CDC20B: variants seen among roughly 807,000 people sequenced by gnomAD.
CDC20B encodes cell division cycle 20B.
In CDC20B, 58 loss-of-function variants were observed where a neutral mutation model predicts 64.1. The observed-to-expected ratio is 0.90, with a 90% CI of 0.73 to 1.13. The LOEUF (loss-of-function observed/expected upper bound fraction) is 1.13, where lower values mean the gene tolerates loss of function less well. Among genes scored for constraint, CDC20B ranks in the 50% most tolerant of loss-of-function variants. The pLI, the probability that CDC20B is intolerant of heterozygous loss-of-function variation, is 0.00. For missense variants in CDC20B, 597 were observed against 633.0 expected (o/e 0.94, Z 0.61); for synonymous variants, 243 against 230.6 (o/e 1.05, Z -0.49).
chr5:55,163,771 G>C (rs1483318358), intron 2 of CDC20B, among the ~76,000 whole-genome samples: 3 of 150,624 alleles, frequency 2.0e-5, no homozygotes, highest in Non-Finnish European at 2.9e-5. Context: ...GCCTCCCAAA[G>C]TGCTGGGATT....
intron 4 of CDC20B, among the ~76,000 whole-genome samples, chr5:55,142,220 T>C (rs1242479134): frequency 3.9e-5 from 6 of 152,164 alleles, no homozygotes; most frequent in Non-Finnish European, 7.3e-5. Context: ...GCCCTCGTTG[T>C]GGAAACACCC....
At chr5:55,162,286 T>C (rs1744117491) in intron 2 of CDC20B, among the ~76,000 whole-genome samples, 1 of 151,994 alleles carries the variant, frequency 6.6e-6, no homozygotes, top group Non-Finnish European at 1.5e-5. Flanking sequence ...ATCCCAGCTA[T>C]TCAGGAGGCT....
rs746220389 is a variant in CDC20B at position 55,146,623 on chromosome 5, C to G, written c.355+5G>C. The G allele has an allele frequency of 1.4e-5, 23 of 1,610,310 alleles. No individual in the cohort carries two copies. Among genetic ancestry groups the G allele is most frequent in the Non-Finnish European group, 2.0e-5 (23 of 1,177,054 alleles). The stretch of plus-strand genomic sequence containing the variant: ...AACGGGGCTGTGGCGTTTGGGGCAC[C>G]TCACCTAGAGTCAAGGTCTCTTTCT... On this transcript the variant is annotated splice_donor_5th_base_variant and intron_variant, in intron 3 of 11. Transcript: ENST00000381375.
At position 55,133,411 on chromosome 5, in the gene CDC20B, C is replaced by T; in HGVS notation, c.697+1G>A. On this transcript the variant is annotated splice_donor_variant, in intron 6 of 11. Transcript: ENST00000381375. LOFTEE classifies it high-confidence loss of function. ...AATTCCCAATCTAAATGATAACTTA[C>T]AGTAGTCATTTCGAAGACCAGTAAT... The T allele has an allele frequency of 7.0e-7, 1 of 1,438,174 alleles. No homozygotes were observed. The highest frequency in any genetic ancestry group is 9.6e-7 in the Non-Finnish European group (1 of 1,036,800). 89.1% of individuals were successfully genotyped at this position (1,438,174 alleles called of 1,614,324 possible).
chr5:55,127,495 A>G, intron 7 of CDC20B, 144 bp from the exon 8 acceptor site: 1 of 658,156 alleles, frequency 1.5e-6, no homozygotes, highest in South Asian at 1.8e-5. Context: ...GCAGTTCTCA[A>G]TTCTGACTGT....
chr5:55,149,491 G>A (rs186789651), intron 2 of CDC20B, among the ~76,000 whole-genome samples: 3 of 152,258 alleles, frequency 2.0e-5, no homozygotes, highest in East Asian at 1.9e-4. Flanking sequence ...ATCATGGGAC[G>A]TATCTACATA....
chr5:55,155,252 G>T (rs532815413), intron 2 of CDC20B, among the ~76,000 whole-genome samples: 1 of 152,290 alleles, frequency 6.6e-6, no homozygotes, highest in South Asian at 2.1e-4. Context: ...ACCCAGAGGG[G>T]TTAAAAATAA....
intron 2 of CDC20B, among the ~76,000 whole-genome samples, chr5:55,152,590 C>T (rs1265433882): frequency 6.6e-6 from 1 of 152,182 alleles, no homozygotes; most frequent in African/African-American, 2.4e-5. Flanking sequence ...AGATCATTGT[C>T]TCTATGAATG....
At chr5:55,118,410 C>T (rs1212852759) in intron 11 of CDC20B, among the ~76,000 whole-genome samples, 12 of 152,064 alleles carry the variant, frequency 7.9e-5, no homozygotes, top group South Asian at 2.1e-4. Flanking sequence ...TGAAAAAACT[C>T]GCAAGGAGTT....
At chr5:55,160,637 G>T in intron 2 of CDC20B, 1 of 503,616 alleles carries the variant, frequency 2.0e-6, no homozygotes, top group Non-Finnish European at 3.5e-6. Flanking sequence ...ATGTAAAGTT[G>T]TTTGGAAAAT....
At chr5:55,134,593 C>T (rs764016237) in intron 5 of CDC20B, among the ~76,000 whole-genome samples, 3 of 152,110 alleles carry the variant, frequency 2.0e-5, no homozygotes, top group Non-Finnish European at 4.4e-5. Context: ...GAAACCCTGT[C>T]ACTACAAAAA....
intron 2 of CDC20B, chr5:55,160,561 CT>C: frequency 1.7e-6 from 1 of 573,478 alleles, no homozygotes; most frequent in Non-Finnish European, 3.0e-6. Flanking sequence ...TGATAGTTTG[CT>C]TCTAAATAAT....
chr5:55,160,146 C>G, intron 2 of CDC20B: 1 of 1,437,542 alleles, frequency 7.0e-7, no homozygotes, highest in Non-Finnish European at 9.8e-7. Flanking sequence ...GTTTCAGCTC[C>G]TCCTTGAATT....
chr5:55,130,482 A>G (rs956189470), intron 6 of CDC20B, among the ~76,000 whole-genome samples: 3 of 152,226 alleles, frequency 2.0e-5, no homozygotes, highest in African/African-American at 2.4e-5. Context: ...CATGGAGGCC[A>G]CAGTCAATGG....
intron 2 of CDC20B, among the ~76,000 whole-genome samples, chr5:55,157,620 C>T (rs1402200818): frequency 6.6e-6 from 1 of 152,186 alleles, no homozygotes; most frequent in African/African-American, 2.4e-5. Context: ...ATCAGGCCTG[C>T]ATAATGTTTT....
intron 11 of CDC20B, among the ~76,000 whole-genome samples, chr5:55,119,495 T>C (rs1055466761): frequency 2.6e-5 from 4 of 152,210 alleles, no homozygotes; most frequent in African/African-American, 9.7e-5. Context: ...CCGCTGGTTT[T>C]TCTTCAAAAT....
rs746754909 is a variant in CDC20B, at chr5:55,143,543, G to T, written c.456C>A (p.Asp152Glu). The T allele has an allele frequency of 6.2e-7, 1 of 1,608,268 alleles. No homozygotes were observed. Among genetic ancestry groups the T allele is most frequent in the Non-Finnish European group, 8.5e-7 (1 of 1,177,020 alleles). ...FCKAPHAMDRDWKESVASKGQ... is the reference protein window; with the variant it reads ...FCKAPHAMDREWKESVASKGQ... ...CTTTTGAGGCAACACTTTCTTTCCA[G>T]TCTCTGTCCATTGCATGAGGTGCCT... The change falls in exon 4 of 12, where the codon GAC (aspartate) becomes GAA (glutamate). Residue 152 changes from aspartate (D) to glutamate (E), a missense_variant. By Grantham distance (45) the Asp-to-Glu change is conservative (BLOSUM62 2). This residue lies in a region of CDC20B where 241 missense variants were observed against 219.2 expected (regional missense o/e 1.10). Coordinates refer to ENST00000381375, the MANE Select transcript of CDC20B (RefSeq NM_001170402.1).
At chr5:55,171,509 A>C (rs1744598466) in intron 2 of CDC20B, among the ~76,000 whole-genome samples, 1 of 152,254 alleles carries the variant, frequency 6.6e-6, no homozygotes, top group Non-Finnish European at 1.5e-5. Context: ...TAAGGGCTTA[A>C]ATGCAATTAG....
chr5:55,161,210 A>T (rs747022560), intron 2 of CDC20B: 1 of 1,614,166 alleles, frequency 6.2e-7, no homozygotes. Flanking sequence ...CCACAAGATT[A>T]AGATTCTAGG....
Sources: gnomAD v4.1 joint callset for allele counts (sites outside exome capture counted in the v4.1 genomes callset) on GRCh38, gnomAD v4.1.1 for gene constraint, gnomAD v4.1.1 regional missense constraint, MANE v1.5 for transcripts, NCBI Gene and HGNC (gene_info 2026-07-23, HGNC 2026-07-21) for gene names.